Variants in GALM observed in about 807,000 individuals in gnomAD.
GALM encodes galactose mutarotase, also known as aldose 1-epimerase.
A neutral mutation model predicts 37.4 loss-of-function variants in GALM; 43 were observed. The ratio of observed to expected loss-of-function variants is 1.15; its 90% CI spans 0.90 to 1.48. The LOEUF (loss-of-function observed/expected upper bound fraction) is 1.48. Ranked by LOEUF, GALM falls within the 40% of genes most tolerant of loss-of-function variation. The probability of loss-of-function intolerance (pLI) is 0.00; values close to 1 mark genes in which losing one functional copy is unlikely to be tolerated. For synonymous variants in GALM, 199 were observed against 170.6 expected, an observed-to-expected ratio of 1.17 and a Z score of -1.30; for missense variants, 456 against 419.1, an observed-to-expected ratio of 1.09 and a Z score of -0.77.
intron 4 of GALM, among the ~76,000 whole-genome samples, chr2:38,723,010 CCAGATG>C (rs1333440662): frequency 6.6e-6 from 1 of 152,178 alleles, no homozygotes; most frequent in African/African-American, 2.4e-5. Flanking sequence ...TTCTTCGTCA[CCAGATG>C]CTACAATATA....
At chr2:38,726,814 T>A (rs975023152) in intron 4 of GALM, among the ~76,000 whole-genome samples, 2 of 151,876 alleles carry the variant, frequency 1.3e-5, no homozygotes, top group Non-Finnish European at 2.9e-5. Context: ...AAGAATCGCT[T>A]GAACCTGGGA....
intron 4 of GALM, among the ~76,000 whole-genome samples, chr2:38,707,684 T>C (rs1297939450): frequency 1.3e-5 from 2 of 152,308 alleles, no homozygotes; most frequent in African/African-American, 4.8e-5. Flanking sequence ...GGCAGCTTTC[T>C]TGAATACAGA....
intron 4 of GALM, among the ~76,000 whole-genome samples, chr2:38,710,399 G>A (rs1320445248): frequency 6.6e-6 from 1 of 152,190 alleles, no homozygotes; most frequent in Non-Finnish European, 1.5e-5. Flanking sequence ...GGGTCAACAT[G>A]TCAAAAAGGC....
chr2:38,670,306 C>T (rs1048479333), intron 1 of GALM, among the ~76,000 whole-genome samples: 26 of 152,126 alleles, frequency 1.7e-4, no homozygotes, highest in Admixed American at 7.9e-4. Flanking sequence ...TCATGTTTCC[C>T]CCAGTTGCCA....
At chr2:38,704,286 C>G (rs1402058258) in intron 4 of GALM, among the ~76,000 whole-genome samples, 8 of 151,874 alleles carry the variant, frequency 5.3e-5, no homozygotes, top group Admixed American at 3.3e-4. Flanking sequence ...GCAGCCTTGG[C>G]CTCCTGGGCT....
chr2:38,676,319 C>G (rs1665259982), intron 2 of GALM, among the ~76,000 whole-genome samples: 1 of 152,144 alleles, frequency 6.6e-6, no homozygotes, highest in South Asian at 2.1e-4. Flanking sequence ...TGAGAAACAA[C>G]TTTCTCACAG....
At chr2:38,717,406 A>C (rs1257669558) in intron 4 of GALM, among the ~76,000 whole-genome samples, 1 of 150,292 alleles carries the variant, frequency 6.7e-6, no homozygotes, top group Non-Finnish European at 1.5e-5. Flanking sequence ...TATTAGTTCC[A>C]TTTTTCTTTT....
chr2:38,718,603 T>C (rs1329756759), intron 4 of GALM, among the ~76,000 whole-genome samples: 2 of 151,978 alleles, frequency 1.3e-5, no homozygotes, highest in South Asian at 2.1e-4. Flanking sequence ...CTTTCTTTTT[T>C]CTTTTCTCCC....
rs1666554564 is a variant in GALM at position 38,729,492 on chromosome 2, G to A, written c.635-64G>A. 2.1e-6 allele frequency: 3 copies of A among 1,443,388 alleles called. No homozygotes were observed. The Admixed American group carries it at 5.6e-5, about 27-fold the overall frequency. 89.4% of individuals were successfully genotyped at this position (1,443,388 alleles called of 1,614,324 possible). A position where few individuals can be genotyped will look rare whatever the true frequency, so the allele number is the denominator to read the frequency against. Reference sequence around the variant, plus strand: ...AGAGTAGAACCAGTGAGCCTTTGTGGAGGCTCTATATAAAGATGAGACTTG... The same window carrying A: ...AGAGTAGAACCAGTGAGCCTTTGTGAAGGCTCTATATAAAGATGAGACTTG... On this transcript the variant is annotated intron_variant, in intron 4 of 6. Coordinates refer to ENST00000272252, the MANE Select transcript of GALM (RefSeq NM_138801.3).
At position 38,685,260 on chromosome 2, in the gene GALM, G is replaced by T. The variant is rs530448395; in HGVS notation, c.552+3774G>T. Among the ~76,000 whole-genome samples, 61 of 152,310 alleles carry T rather than the reference G, an allele frequency of 4.0e-4. 1 individual carries two copies. The South Asian group carries it at 0.012, about 31-fold the overall frequency. The stretch of plus-strand genomic sequence containing the variant: ...AGTCAAAATTTGCCCTCTGGAAATG[G>T]AGCGGGGGTGGGTCCTCTTCCCTGA... On this transcript the variant is annotated intron_variant, in intron 3 of 6. Coordinates refer to ENST00000272252, the MANE Select transcript of GALM (RefSeq NM_138801.3).
chr2:38,715,896 T>C (rs1666261432), intron 4 of GALM, among the ~76,000 whole-genome samples: 2 of 152,174 alleles, frequency 1.3e-5, no homozygotes, highest in African/African-American at 2.4e-5. Context: ...TGAGGTAGAG[T>C]CTCGTTATCC....
chr2:38,666,438 G>T, intron 1 of GALM, 87 bp downstream of exon 1: 1 of 1,029,046 alleles, frequency 9.7e-7, no homozygotes, highest in Non-Finnish European at 1.4e-6. Flanking sequence ...TGCAATGCGA[G>T]GGACCAAGGG....
intron 4 of GALM, among the ~76,000 whole-genome samples, chr2:38,725,455 G>A (rs2148457138): frequency 6.6e-6 from 1 of 152,238 alleles, no homozygotes; most frequent in East Asian, 1.9e-4. Flanking sequence ...AGGATTACCT[G>A]AGCCTGGCAG....
intron 3 of GALM, among the ~76,000 whole-genome samples, 172 bp downstream of exon 3, chr2:38,681,658 A>T (rs1665400101): frequency 6.6e-6 from 1 of 152,262 alleles, no homozygotes; most frequent in Non-Finnish European, 1.5e-5. Flanking sequence ...AAAATTATAG[A>T]GAAAGACAGA....
At position 38,733,491 on chromosome 2, in the gene GALM, C is replaced by A; in HGVS notation, c.955C>A (p.Arg319Ser). Residue 319 changes from arginine to serine, a missense_variant, in exon 7 of 7, where the codon CGC becomes AGC. By Grantham distance (110) the Arg-to-Ser change is moderately radical. Transcript: ENST00000272252. ...QNWPDAVNQP[R>S]FPPVLLRPGE... ...CTGTGTTGTTTCCCCTTCACAGCCC[C>A]GCTTCCCTCCTGTGCTGCTGAGGCC... is the stretch of plus-strand genomic sequence containing the variant. 6.2e-7 allele frequency: 1 copy of A among 1,613,726 alleles called. No individual in the cohort carries two copies. The highest frequency in any genetic ancestry group is 8.5e-7 in the Non-Finnish European group (1 of 1,179,668).
At chr2:38,672,811 AG>A (rs1335054762) in intron 1 of GALM, among the ~76,000 whole-genome samples, 2 of 151,976 alleles carry the variant, frequency 1.3e-5, no homozygotes, top group Non-Finnish European at 2.9e-5. Flanking sequence ...GTTTGAGACC[AG>A]CCTGGCCAAC....
Position 38,687,273 on chromosome 2 carries a change from C to T in GALM, c.553-2540C>T, listed in dbSNP as rs113269665. ...ACCTGCTCTAGGCAGGGGTACAGAC[C>T]CTCTCCCATCTTGGACCTGCTGCCC... is the stretch of plus-strand genomic sequence containing the variant. On this transcript the variant is annotated intron_variant, in intron 3 of 6. Transcript: ENST00000272252. Among the ~76,000 whole-genome samples the T allele has an allele frequency of 4.3e-3, 662 of 152,286 alleles. 9 individuals carry two copies. The highest frequency in any genetic ancestry group is 0.015 in the African/African-American group (638 of 41,544).
intron 3 of GALM, among the ~76,000 whole-genome samples, chr2:38,683,702 G>A (rs1298966406): frequency 6.6e-6 from 1 of 152,050 alleles, no homozygotes; most frequent in Non-Finnish European, 1.5e-5. Context: ...TAGTAGCTGG[G>A]ATTACAGGCG....
At chr2:38,702,559 C>G (rs984779843) in intron 4 of GALM, among the ~76,000 whole-genome samples, 6 of 152,160 alleles carry the variant, frequency 3.9e-5, no homozygotes, top group South Asian at 2.1e-4. Context: ...CTTTTCCCCC[C>G]ACTTTCTGGA....
Sources: gnomAD v4.1 joint callset for allele counts (sites outside exome capture counted in the v4.1 genomes callset) on GRCh38, gnomAD v4.1.1 for gene constraint, MANE v1.5 for transcripts, NCBI Gene and HGNC (gene_info 2026-07-23, HGNC 2026-07-21) for gene names.